Variants in PAM observed in about 807,000 individuals in gnomAD.
PAM encodes peptidyl-glycine alpha-amidating monooxygenase.
A neutral mutation model predicts 122.1 loss-of-function variants in PAM; 72 were observed. The ratio of observed to expected loss-of-function variants is 0.59; its 90% CI spans 0.49 to 0.72. The LOEUF (loss-of-function observed/expected upper bound fraction) is 0.72, where lower values mean the gene tolerates loss of function less well. Ranked by LOEUF, PAM falls within the 30% of genes least tolerant of loss-of-function variation. PAM has a pLI of 0.00. For synonymous variants in PAM, 389 were observed against 404.4 expected (o/e 0.96, Z 0.46); for missense variants, 1,106 against 1,183.7 (o/e 0.93, Z 0.96).
intron 7 of PAM, among the ~76,000 whole-genome samples, chr5:102,939,289 T>C (rs1048315778): frequency 2.6e-5 from 4 of 152,152 alleles, no homozygotes; most frequent in African/African-American, 9.7e-5. Flanking sequence ...ATATTAATTA[T>C]TCTTTTTTCC....
At chr5:102,947,775 G>A (rs145565866) in intron 8 of PAM, among the ~76,000 whole-genome samples, 41 of 152,266 alleles carry the variant, frequency 2.7e-4, no homozygotes, top group Admixed American at 1.9e-3. Context: ...TCACAGCTAG[G>A]AATCATGAGA....
At chr5:102,898,224 A>G (rs528547033) in intron 3 of PAM, among the ~76,000 whole-genome samples, 1 of 151,596 alleles carries the variant, frequency 6.6e-6, no homozygotes, top group Non-Finnish European at 1.5e-5. Flanking sequence ...ACTGGGCACC[A>G]TGGCTATGTA....
At chr5:102,865,210 TTG>T (rs1164019103) in intron 1 of PAM, 4 of 152,236 alleles carry the variant, frequency 2.6e-5, no homozygotes, top group African/African-American at 9.6e-5. Flanking sequence ...TGTAGAGTTT[TTG>T]TTTGTTTTAA....
chr5:102,951,835 C>T (rs907006196), intron 12 of PAM, among the ~76,000 whole-genome samples: 3 of 151,970 alleles, frequency 2.0e-5, no homozygotes, highest in African/African-American at 7.2e-5. Flanking sequence ...AACAGCTTTG[C>T]TTTTGGATAA....
chr5:102,826,190 C>A (rs1244962915), intron 1 of PAM, among the ~76,000 whole-genome samples: 3 of 152,048 alleles, frequency 2.0e-5, no homozygotes, highest in Admixed American at 1.3e-4. Context: ...TTTTAACTTA[C>A]TTAAAAACTT....
chr5:102,783,850 G>A (rs1759714667), intron 1 of PAM, among the ~76,000 whole-genome samples: 1 of 152,050 alleles, frequency 6.6e-6, no homozygotes, highest in Non-Finnish European at 1.5e-5. Flanking sequence ...ACACTTGAAT[G>A]GTTTCCCTCT....
At chr5:102,895,186 T>C (rs1441906161) in intron 3 of PAM, among the ~76,000 whole-genome samples, 1 of 151,822 alleles carries the variant, frequency 6.6e-6, no homozygotes, top group Non-Finnish European at 1.5e-5. Context: ...TTACACGGCC[T>C]TTGAAAATAC....
intron 7 of PAM, among the ~76,000 whole-genome samples, chr5:102,941,901 C>A (rs190635483): frequency 1.8e-4 from 25 of 141,742 alleles, no homozygotes; most frequent in African/African-American, 6.0e-4. Context: ...TTTCATTCAA[C>A]GTCTCTAATA....
intron 21 of PAM, among the ~76,000 whole-genome samples, chr5:103,012,473 T>C (rs888527569): frequency 6.6e-6 from 1 of 152,220 alleles, no homozygotes; most frequent in Non-Finnish European, 1.5e-5. Context: ...GTATCATTCG[T>C]CTGCATGTGG....
chr5:102,810,091 T>C (rs1767450775), intron 1 of PAM, among the ~76,000 whole-genome samples: 1 of 152,216 alleles, frequency 6.6e-6, no homozygotes, highest in Admixed American at 6.5e-5. Flanking sequence ...ACAAGAATAA[T>C]ATAGTCTAAG....
chr5:102,777,721 C>G (rs762656133), intron 1 of PAM, among the ~76,000 whole-genome samples: 3 of 152,018 alleles, frequency 2.0e-5, no homozygotes, highest in Non-Finnish European at 4.4e-5. Flanking sequence ...ACCATTCATT[C>G]CCGGGCCTGT....
intron 7 of PAM, among the ~76,000 whole-genome samples, chr5:102,930,383 C>T (rs113365941): frequency 6.6e-6 from 1 of 151,990 alleles, no homozygotes. Flanking sequence ...GAAAGGCTTT[C>T]CAGAAGTTGG....
intron 1 of PAM, among the ~76,000 whole-genome samples, chr5:102,825,576 G>A (rs1397553709): frequency 6.6e-6 from 1 of 152,174 alleles, no homozygotes; most frequent in Non-Finnish European, 1.5e-5. Context: ...TATGGGTTGT[G>A]TGAACTTGGC....
intron 15 of PAM, among the ~76,000 whole-genome samples, chr5:102,975,586 C>T (rs1253060206): frequency 2.0e-5 from 3 of 152,072 alleles, no homozygotes; most frequent in Admixed American, 1.3e-4. Flanking sequence ...ACCTAGGATG[C>T]GTAAGAAAAA....
intron 3 of PAM, among the ~76,000 whole-genome samples, chr5:102,890,083 T>TA (rs1441248305): frequency 2.0e-5 from 3 of 152,000 alleles, no homozygotes; most frequent in African/African-American, 7.2e-5. Flanking sequence ...ATTTATTCGA[T>TA]AGAGTATCAT....
chr5:102,837,132 G>T (rs144273100), intron 1 of PAM, among the ~76,000 whole-genome samples: 254 of 152,288 alleles, frequency 1.7e-3, no homozygotes, highest in Admixed American at 3.5e-3. Flanking sequence ...AAGATAGTGA[G>T]ATTGACATTG....
At position 102,798,522 on chromosome 5, in the gene PAM, C is replaced by G. The variant is rs80330955; in HGVS notation, c.-374+43174C>G. Among the ~76,000 whole-genome samples, 3 of 152,188 alleles carry G rather than the reference C, an allele frequency of 2.0e-5. No homozygotes were observed. The South Asian group carries it at 6.2e-4, about 31-fold the overall frequency. On this transcript the variant is annotated intron_variant, in intron 1 of 25. Coordinates refer to ENST00000438793, the MANE Select transcript of PAM (RefSeq NM_001177306.2). ...AATTTAGGCACTAAAAATTCTCCCG[C>G]ATCAAAGTAGCTTGTGATTCTCATT... is the stretch of plus-strand genomic sequence containing the variant.
intron 18 of PAM, among the ~76,000 whole-genome samples, chr5:103,006,002 T>G (rs1751717827): frequency 6.6e-6 from 1 of 152,128 alleles, no homozygotes; most frequent in African/African-American, 2.4e-5. Flanking sequence ...TGGCACGATC[T>G]TGGCTCACTA....
chr5:102,867,515 C>T (rs1296534758), intron 3 of PAM, 122 bp downstream of exon 3: 2 of 562,626 alleles, frequency 3.6e-6, no homozygotes, highest in African/African-American at 1.9e-5. Flanking sequence ...TTCAAGACTC[C>T]AGCTAAGGCT....
Sources: gnomAD v4.1 joint callset for allele counts (sites outside exome capture counted in the v4.1 genomes callset) on GRCh38, gnomAD v4.1.1 for gene constraint, MANE v1.5 for transcripts, NCBI Gene and HGNC (gene_info 2026-07-23, HGNC 2026-07-21) for gene names.